KCNT2: variants seen among roughly 807,000 people sequenced by gnomAD.
The protein encoded by KCNT2 is potassium sodium-activated channel subfamily T member 2, also known as potassium channel subfamily T member 2.
In KCNT2, 67 loss-of-function variants were observed where a neutral mutation model predicts 153.8. That is an observed-to-expected ratio of 0.44 (90% CI 0.36 to 0.53). The LOEUF (loss-of-function observed/expected upper bound fraction) is 0.53, where lower values mean the gene tolerates loss of function less well. Among genes scored for constraint, KCNT2 ranks in the 20% least tolerant of loss-of-function variants. The pLI is 0.00. For synonymous variants in KCNT2, 500 were observed against 458.8 expected (o/e 1.09, Z -1.15); for missense variants, 975 against 1,354.8 (o/e 0.72, Z 4.40).
At chr1:196,289,410 T>G (rs1321603519) in intron 22 of KCNT2, among the ~76,000 whole-genome samples, 5 of 152,124 alleles carry the variant, frequency 3.3e-5, no homozygotes, top group African/African-American at 1.2e-4. Flanking sequence ...GCAGAGACCA[T>G]GATTTTGCTT....
At chr1:196,294,634 A>G (rs548371214) in intron 22 of KCNT2, among the ~76,000 whole-genome samples, 2 of 152,240 alleles carry the variant, frequency 1.3e-5, no homozygotes, top group East Asian at 1.9e-4. Flanking sequence ...TAGGCATGCA[A>G]TAAGTAATCT....
intron 1 of KCNT2, among the ~76,000 whole-genome samples, chr1:196,582,942 G>A (rs1332998968): frequency 6.6e-6 from 1 of 151,984 alleles, no homozygotes; most frequent in Non-Finnish European, 1.5e-5. Flanking sequence ...ACAGAGATTT[G>A]CATAGCGAAA....
intron 1 of KCNT2, among the ~76,000 whole-genome samples, chr1:196,514,670 C>G (rs1251091634): frequency 6.6e-6 from 1 of 152,052 alleles, no homozygotes; most frequent in Non-Finnish European, 1.5e-5. Context: ...TACATATGTG[C>G]AGTATTTATA....
chr1:196,593,362 A>G (rs1663644646), intron 1 of KCNT2, among the ~76,000 whole-genome samples: 2 of 148,562 alleles, frequency 1.3e-5, no homozygotes, highest in South Asian at 4.2e-4. Context: ...GTATATATGT[A>G]TTTTTTTATT....
intron 12 of KCNT2, among the ~76,000 whole-genome samples, chr1:196,402,819 A>G (rs964098569): frequency 3.3e-5 from 5 of 151,674 alleles, no homozygotes; most frequent in Non-Finnish European, 4.4e-5. Context: ...GAATGAAAAG[A>G]TAGTTAACTC....
intron 1 of KCNT2, among the ~76,000 whole-genome samples, chr1:196,600,129 C>G (rs1166083684): frequency 6.6e-6 from 1 of 152,158 alleles, no homozygotes; most frequent in Non-Finnish European, 1.5e-5. Context: ...TCAGAAATTT[C>G]TAATTCACTC....
chr1:196,533,701 TC>T (rs1655214845), intron 1 of KCNT2, among the ~76,000 whole-genome samples: 1 of 152,134 alleles, frequency 6.6e-6, no homozygotes, highest in African/African-American at 2.4e-5. Flanking sequence ...ACTCAATAAT[TC>T]TTATGTCTTC....
At chr1:196,541,183 A>G (rs1465448619) in intron 1 of KCNT2, among the ~76,000 whole-genome samples, 1 of 151,974 alleles carries the variant, frequency 6.6e-6, no homozygotes, top group Non-Finnish European at 1.5e-5. Flanking sequence ...CAAAATTATT[A>G]TATCTCTTAG....
chr1:196,465,157 A>C (rs1280965648), intron 8 of KCNT2, 136 bp downstream of exon 8: 1 of 582,024 alleles, frequency 1.7e-6, no homozygotes, highest in Non-Finnish European at 3.1e-6. Context: ...TCTGTAGGCG[A>C]TCTGTTACAT....
At chr1:196,238,929 T>C (rs1654699477) in intron 26 of KCNT2, among the ~76,000 whole-genome samples, 2 of 151,990 alleles carry the variant, frequency 1.3e-5, no homozygotes, top group South Asian at 4.1e-4. Context: ...GCCATGATCC[T>C]GGAATATTTT....
chr1:196,434,020 G>A (rs772629650), intron 8 of KCNT2, among the ~76,000 whole-genome samples: 10 of 151,770 alleles, frequency 6.6e-5, no homozygotes, highest in African/African-American at 9.7e-5. Context: ...AATCGCCCTC[G>A]TTTTATGCTT....
chr1:196,448,051 A>G (rs868580024), intron 8 of KCNT2, among the ~76,000 whole-genome samples: 1 of 151,814 alleles, frequency 6.6e-6, no homozygotes, highest in South Asian at 2.1e-4. Context: ...GGAAAACACC[A>G]TAATTTTCAC....
chr1:196,242,968 A>G (rs1236794126), intron 26 of KCNT2, among the ~76,000 whole-genome samples: 2 of 152,190 alleles, frequency 1.3e-5, no homozygotes, highest in Non-Finnish European at 2.9e-5. Flanking sequence ...TGCACATTCA[A>G]TGAGTTTTGA....
intron 8 of KCNT2, among the ~76,000 whole-genome samples, chr1:196,449,875 A>T (rs1676005550): frequency 1.3e-5 from 2 of 151,732 alleles, no homozygotes; most frequent in South Asian, 4.1e-4. Flanking sequence ...TTTTAAAAAG[A>T]TGTATGAATT....
intron 1 of KCNT2, among the ~76,000 whole-genome samples, chr1:196,597,567 AT>A (rs1558121875): frequency 6.6e-6 from 1 of 152,108 alleles, no homozygotes; most frequent in African/African-American, 2.4e-5. Flanking sequence ...CACAGGATAA[AT>A]TTTCTTTAAA....
At chr1:196,411,007 C>T (rs1387938157) in intron 12 of KCNT2, among the ~76,000 whole-genome samples, 1 of 141,992 alleles carries the variant, frequency 7.0e-6, no homozygotes, top group Non-Finnish European at 1.6e-5. Flanking sequence ...TTCCTCATTG[C>T]TCCCTCCCTC....
chr1:196,443,996 A>T (rs1392913923), intron 8 of KCNT2, among the ~76,000 whole-genome samples: 1 of 151,512 alleles, frequency 6.6e-6, no homozygotes, highest in African/African-American at 2.4e-5. Flanking sequence ...AGAAAAATAT[A>T]AGAAGAAATG....
At chr1:196,547,958 T>A (rs1657342575) in intron 1 of KCNT2, among the ~76,000 whole-genome samples, 1 of 151,780 alleles carries the variant, frequency 6.6e-6, no homozygotes, top group Non-Finnish European at 1.5e-5. Context: ...ATCTGGTACG[T>A]CTATAGTGGG....
intron 19 of KCNT2, 137 bp downstream of exon 19, chr1:196,326,580 T>G (rs1663882231): frequency 6.2e-6 from 3 of 483,032 alleles, no homozygotes; most frequent in African/African-American, 2.0e-5. Flanking sequence ...GCACAGAATA[T>G]ATCTCCCAAT....
Sources: allele counts gnomAD v4.1 joint callset (sites outside exome capture counted in the v4.1 genomes callset), GRCh38; gene constraint gnomAD v4.1.1; transcripts MANE v1.5; gene names NCBI Gene and HGNC (gene_info 2026-07-23, HGNC 2026-07-21).